Variants in MYCBPAP observed in about 807,000 individuals in gnomAD.
MYCBPAP encodes MYCBP-associated protein.
Under a neutral mutation model 106.1 loss-of-function variants are expected in MYCBPAP, and 60 were observed. The observed-to-expected ratio is 0.57, with a 90% CI of 0.46 to 0.70. The LOEUF (loss-of-function observed/expected upper bound fraction) is 0.70. MYCBPAP is among the 30% of genes least tolerant of loss of function. MYCBPAP has a pLI of 0.00. For synonymous variants in MYCBPAP, 407 were observed against 440.6 expected, an observed-to-expected ratio of 0.92 and a Z score of 0.95; for missense variants, 1,064 against 1,169.3, an observed-to-expected ratio of 0.91 and a Z score of 1.31.
At chr17:50,530,296 C>G (rs2034592405) in intron 18 of MYCBPAP, 1 of 335,822 alleles carries the variant, frequency 3.0e-6, no homozygotes, top group Non-Finnish European at 5.9e-6. Context: ...GAGTTCAAGA[C>G]CAGCCTGGGC....
chr17:50,510,421 TACTA>T (rs2033783194), intron 1 of MYCBPAP: 2 of 147,704 alleles, frequency 1.4e-5, no homozygotes, highest in African/African-American at 4.9e-5. Flanking sequence ...TTTTATGACA[TACTA>T]TATATATATA....
intron 5 of MYCBPAP, 79 bp downstream of exon 5, chr17:50,518,803 G>A: frequency 6.5e-7 from 1 of 1,542,426 alleles, no homozygotes; most frequent in Non-Finnish European, 8.8e-7. Flanking sequence ...CTCCTCCAGA[G>A]CCTGGCCTTG....
chr17:50,529,261 A>G (rs1597851532), intron 18 of MYCBPAP, 73 bp downstream of exon 18: 10 of 1,398,182 alleles, frequency 7.2e-6, no homozygotes, highest in Middle Eastern at 2.6e-4. Flanking sequence ...TCTGCAGACA[A>G]TAAGTGCCCA....
chr17:50,525,224 T>C (rs1205675001), intron 13 of MYCBPAP: 1 of 574,738 alleles, frequency 1.7e-6, no homozygotes, highest in South Asian at 2.2e-5. Flanking sequence ...GGGATGGAAA[T>C]TGTACACTCC....
intron 13 of MYCBPAP, among the ~76,000 whole-genome samples, chr17:50,525,492 ATT>A (rs942995768): frequency 6.6e-6 from 1 of 151,770 alleles, no homozygotes; most frequent in African/African-American, 2.4e-5. Context: ...ATTTTTGTTT[ATT>A]TTTTTAAGAA....
chr17:50,520,526 T>C (rs1186921106), intron 7 of MYCBPAP, among the ~76,000 whole-genome samples: 3 of 150,024 alleles, frequency 2.0e-5, no homozygotes, highest in African/African-American at 4.9e-5. Flanking sequence ...AATAAATAAA[T>C]AAATAAACAA....
chr17:50,524,737 T>TGTGTGAGAGAGAGAGAGA (rs373928628), intron 12 of MYCBPAP, 140 bp from the exon 13 acceptor site: 49 of 463,636 alleles, frequency 1.1e-4, no homozygotes, highest in African/African-American at 1.0e-3. Context: ...TGTGTGTGTG[T>TGTGTGAGAGAGAGAGAGA]GAGAGAGAGA....
At chr17:50,519,848 T>A in intron 7 of MYCBPAP, 61 bp downstream of exon 7, 2 of 1,562,108 alleles carry the variant, frequency 1.3e-6, no homozygotes, top group Admixed American at 3.7e-5. Flanking sequence ...CAGGGTAGTG[T>A]GGAAGTGGCC....
intron 1 of MYCBPAP, chr17:50,510,497 GTGTATATATATATATATATATATA>G (rs1273996478): frequency 3.4e-5 from 3 of 89,506 alleles, no homozygotes; most frequent in Non-Finnish European, 6.3e-5. Flanking sequence ...GTGTGTGTGT[GTGTATATATATATATATATATATA>G]TATATATATA....
In MYCBPAP at chr17:50,519,015, G is replaced by A. The variant is rs771128461; in HGVS notation, c.694G>A (p.Gly232Arg). 7 of 1,613,898 alleles carry A rather than the reference G, an allele frequency of 4.3e-6. No individual in the cohort carries two copies. Among genetic ancestry groups the A allele is most frequent in the African/African-American group, 1.3e-5 (1 of 74,886 alleles). ...KPVSELLMHT[G>R]ETYRRIQEER... ...AGTGAGTGAGCTGCTCATGCACACC[G>A]GGGAGACCTACAGACGGATCCAGGA... is the stretch of plus-strand genomic sequence containing the variant. Residue 232 changes from glycine (G) to arginine (R), a missense_variant, in exon 6 of 19, where the codon GGG (glycine) becomes AGG (arginine). Coordinates refer to ENST00000323776, the MANE Select transcript of MYCBPAP (RefSeq NM_032133.6).
intron 10 of MYCBPAP, chr17:50,522,431 A>G: frequency 5.3e-6 from 1 of 187,454 alleles, no homozygotes; most frequent in Non-Finnish European, 1.1e-5. Context: ...GCAGAGGCTC[A>G]CGCCTGTAAT....
chr17:50,522,976 C>T lies in MYCBPAP; in HGVS notation c.1295C>T (p.Thr432Ile). The T allele has an allele frequency of 1.2e-6, 2 of 1,613,612 alleles. No individual in the cohort carries two copies. The highest frequency in any genetic ancestry group is 1.3e-5 in the African/African-American group (1 of 74,956). Residue 432 changes from threonine to isoleucine, a missense_variant, in exon 11 of 19, where the codon ACC (threonine) becomes ATC (isoleucine). Thr to Ile is a moderately conservative substitution (Grantham distance 89). Coordinates refer to ENST00000323776, the MANE Select transcript of MYCBPAP (RefSeq NM_032133.6). ...VGIAAHLTFE[T>I]LEGEKTSSEL... Reference sequence around the variant, plus strand: ...ATTGCTGCTCACTTGACCTTTGAAACCCTAGAAGGCGAGAAAACCTCCTCA... The same window carrying T: ...ATTGCTGCTCACTTGACCTTTGAAATCCTAGAAGGCGAGAAAACCTCCTCA...
At chr17:50,522,726 T>TATA (rs56247158) in intron 10 of MYCBPAP, 19 of 65,286 alleles carry the variant, frequency 2.9e-4, no homozygotes, top group East Asian at 8.0e-4. Context: ...ATATATATAT[T>TATA]TGTTTTATCT....
At chr17:50,531,239 C>A in intron 18 of MYCBPAP, 88 bp from the exon 19 acceptor site, 1 of 754,738 alleles carries the variant, frequency 1.3e-6, no homozygotes, top group Non-Finnish European at 2.0e-6. Flanking sequence ...TTTCTTTCCC[C>A]TCTCCAGCTA....
intron 16 of MYCBPAP, 99 bp downstream of exon 16, chr17:50,528,369 A>T: frequency 1.8e-6 from 2 of 1,083,858 alleles, no homozygotes; most frequent in Admixed American, 4.1e-5. Flanking sequence ...CCTTTGGTGG[A>T]AGCTCTGCTA....
intron 1 of MYCBPAP, among the ~76,000 whole-genome samples, chr17:50,512,541 C>A (rs1273752099): frequency 6.6e-6 from 1 of 152,210 alleles, no homozygotes; most frequent in Non-Finnish European, 1.5e-5. Flanking sequence ...CTGAACACTT[C>A]TTCAGAGCCC....
rs549653133 is a variant in MYCBPAP at position 50,516,794 on chromosome 17, G to A, written c.204+97G>A. ...CCAGCCATGTCCCTACTCATGGGGAGTGTCTAACTCCATGGAAAAACCCAC... is the reference window on the plus strand; with the variant it reads ...CCAGCCATGTCCCTACTCATGGGGAATGTCTAACTCCATGGAAAAACCCAC... On this transcript the variant is annotated intron_variant, in intron 2 of 18. Coordinates refer to ENST00000323776, the MANE Select transcript of MYCBPAP (RefSeq NM_032133.6). 246 of 1,402,558 alleles carry A rather than the reference G, an allele frequency of 1.8e-4. 1 individual carries two copies. In the South Asian group the frequency reaches 2.9e-3, roughly 16 times the overall value. 86.9% of individuals were successfully genotyped at this position (1,402,558 alleles called of 1,614,324 possible).
chr17:50,528,580 G>A, intron 16 of MYCBPAP, 115 bp from the exon 17 acceptor site: 1 of 1,381,418 alleles, frequency 7.2e-7, no homozygotes, highest in Non-Finnish European at 9.8e-7. Context: ...CGCCTACCAG[G>A]GCTCAAGGCT....
chr17:50,523,144 C>T lies in MYCBPAP; in HGVS notation c.1447+16C>T, dbSNP rs1453794217. On this transcript the variant is annotated intron_variant, in intron 11 of 18. Coordinates refer to ENST00000323776, the MANE Select transcript of MYCBPAP (RefSeq NM_032133.6). ...AACCGGGAAGGTACTCGGGAGAAGC[C>T]ACCCTATGTGCTAGCTCCTGTCTGG... 6.2e-7 allele frequency: 1 copy of T among 1,610,564 alleles called. No homozygotes were observed. The highest frequency in any genetic ancestry group is 8.5e-7 in the Non-Finnish European group (1 of 1,177,338).
Sources: gnomAD v4.1 joint callset for allele counts (sites outside exome capture counted in the v4.1 genomes callset) on GRCh38, gnomAD v4.1.1 for gene constraint, MANE v1.5 for transcripts, NCBI Gene and HGNC (gene_info 2026-07-23, HGNC 2026-07-21) for gene names.